TENM3: variants seen among roughly 807,000 people sequenced by gnomAD.
TENM3 encodes teneurin-3.
TENM3 carries 63 observed loss-of-function variants against 255.1 expected under a neutral mutation model. The observed-to-expected ratio is 0.25, with a 90% CI of 0.20 to 0.30. The LOEUF is 0.30. TENM3 is among the 10% of genes least tolerant of loss of function. The probability of loss-of-function intolerance (pLI) is 1.00; values close to 1 mark genes in which losing one functional copy is unlikely to be tolerated. For missense variants in TENM3, 2,929 were observed against 3,461.1 expected, an observed-to-expected ratio of 0.85 and a Z score of 3.86; for synonymous variants, 1,306 against 1,322.3, an observed-to-expected ratio of 0.99 and a Z score of 0.27.
At chr4:181,809,435 C>T in the TENM3 span, among the ~76,000 whole-genome samples, 1 of 152,068 alleles carries the variant, frequency 6.6e-6, no homozygotes, top group Non-Finnish European at 1.5e-5. Flanking sequence ...ATCCACGGTT[C>T]GGGTGTTTGT....
chr4:181,771,627 C>T, the TENM3 span, among the ~76,000 whole-genome samples: 1 of 152,252 alleles, frequency 6.6e-6, no homozygotes, highest in Admixed American at 6.5e-5. Context: ...TAGGAACCAA[C>T]TCGTCTCTGT....
chr4:182,753,433 G>T lies in TENM3; in HGVS notation c.3863-17G>T, dbSNP rs187475769. 1.0e-5 allele frequency: 16 copies of T among 1,605,106 alleles called. No individual in the cohort carries two copies. In the Admixed American group the frequency reaches 2.0e-4, roughly 20 times the overall value. On this transcript the variant is annotated splice_polypyrimidine_tract_variant and intron_variant, in intron 20 of 27. Transcript: ENST00000511685. Reference sequence around the variant, plus strand: ...CATTTTTGAAAAATTAGTAATACTTGCTTCTCTCAAATACAGGAATGGCAG... The same window carrying T: ...CATTTTTGAAAAATTAGTAATACTTTCTTCTCTCAAATACAGGAATGGCAG...
chr4:181,900,553 A>T, the TENM3 span, among the ~76,000 whole-genome samples: 1 of 152,138 alleles, frequency 6.6e-6, no homozygotes, highest in African/African-American at 2.4e-5. Flanking sequence ...ATACCTAGAG[A>T]TTTAGAATTT....
At chr4:182,557,023 G>A (rs988524486) in intron 3 of TENM3, among the ~76,000 whole-genome samples, 2 of 152,138 alleles carry the variant, frequency 1.3e-5, no homozygotes, top group Admixed American at 6.5e-5. Flanking sequence ...CTGAAAACCA[G>A]TTGCTAAATA....
At chr4:182,303,123 A>G (rs1761942114) in intron 1 of TENM3, among the ~76,000 whole-genome samples, 1 of 152,040 alleles carries the variant, frequency 6.6e-6, no homozygotes. Flanking sequence ...AATTTCACTC[A>G]TGAAACCTGT....
the TENM3 span, among the ~76,000 whole-genome samples, chr4:181,922,603 T>C: frequency 6.6e-6 from 1 of 152,158 alleles, no homozygotes; most frequent in Non-Finnish European, 1.5e-5. Flanking sequence ...TTTTTTATTG[T>C]ATCTGTTTGA....
chr4:182,215,276 A>G (rs751642178), intron 1 of TENM3, among the ~76,000 whole-genome samples: 1 of 152,184 alleles, frequency 6.6e-6, no homozygotes, highest in Non-Finnish European at 1.5e-5. Context: ...GACTGATTCA[A>G]TCTTTATTAA....
chr4:181,467,749 A>C, the TENM3 span, among the ~76,000 whole-genome samples: 106,642 of 151,856 alleles, frequency 0.7, 37,790 homozygotes, highest in Non-Finnish European at 0.74. Flanking sequence ...GCTGAGGACT[A>C]ATTAGCATTG....
the TENM3 span, among the ~76,000 whole-genome samples, chr4:181,470,692 T>G: frequency 8.5e-4 from 129 of 152,264 alleles, no homozygotes; most frequent in African/African-American, 2.8e-3. Flanking sequence ...ATGTGAACAT[T>G]AATCAACCCT....
intron 4 of TENM3, among the ~76,000 whole-genome samples, chr4:182,616,744 A>G (rs1749579757): frequency 1.3e-5 from 2 of 152,096 alleles, no homozygotes; most frequent in South Asian, 4.1e-4. Flanking sequence ...ATGGAGAATT[A>G]TTTCCAAATA....
chr4:182,129,216 AGATT>A, the TENM3 span, among the ~76,000 whole-genome samples: 9 of 152,380 alleles, frequency 5.9e-5, no homozygotes, highest in East Asian at 3.9e-4. Flanking sequence ...AGCAGTAGAT[AGATT>A]GTGTTAAGTA....
the TENM3 span, among the ~76,000 whole-genome samples, chr4:181,840,930 A>G: frequency 6.6e-6 from 1 of 152,112 alleles, no homozygotes; most frequent in Non-Finnish European, 1.5e-5. Flanking sequence ...CACTGACTAT[A>G]TTTGAAAGAG....
the TENM3 span, among the ~76,000 whole-genome samples, chr4:181,545,602 G>A: frequency 1.3e-5 from 2 of 152,140 alleles, no homozygotes; most frequent in African/African-American, 4.8e-5. Flanking sequence ...AGAGGAAATT[G>A]AAGTGTATTA....
rs79864346 is a variant in TENM3, at chr4:182,367,885, T to C, written c.511+20956T>C. ...AGTTCAGGATCAAAAGATGGAAGGA[T>C]GGAAAAGTTATTTTTCCATCTTTCA... On this transcript the variant is annotated intron_variant, in intron 3 of 27. Transcript: ENST00000511685. Among the ~76,000 whole-genome samples, 1,185 of 152,246 alleles carry C rather than the reference T, an allele frequency of 7.8e-3. 10 individuals are homozygous for C. Among genetic ancestry groups the C allele is most frequent in the African/African-American group, 0.027 (1,140 of 41,536 alleles).
At chr4:182,235,026 G>A (rs1033759892) in intron 1 of TENM3, among the ~76,000 whole-genome samples, 7 of 151,962 alleles carry the variant, frequency 4.6e-5, no homozygotes, top group African/African-American at 1.7e-4. Context: ...GTCAGTCAGG[G>A]CACACACATA....
Position 182,601,076 on chromosome 4 carries a change from T to C in TENM3, c.664T>C (p.Leu222=), listed in dbSNP as rs1747801030. The change falls in exon 4 of 28, where the codon TTG becomes CTG. Residue 222 remains leucine (L), a synonymous_variant. Transcript: ENST00000511685. ...CCAGAGTCCGGCCCCGCCGGCTGCTTTGCCCGCCGAGCTGCAAACCACACC... is the reference window on the plus strand; with the variant it reads ...CCAGAGTCCGGCCCCGCCGGCTGCTCTGCCCGCCGAGCTGCAAACCACACC... ...RNQSPAPPAA[L]PAELQTTPES... is the part of the protein sequence containing the mutation. The C allele has an allele frequency of 6.2e-7, 1 of 1,613,712 alleles. No individual in the cohort carries two copies. The highest frequency in any genetic ancestry group is 8.5e-7 in the Non-Finnish European group (1 of 1,179,864).
chr4:181,664,544 A>G, the TENM3 span, among the ~76,000 whole-genome samples: 1,093 of 152,276 alleles, frequency 7.2e-3, 11 homozygotes, highest in African/African-American at 0.025. Flanking sequence ...ATGAACTGGT[A>G]CATGAAAAGT....
chr4:182,097,592 A>T, the TENM3 span, among the ~76,000 whole-genome samples: 1 of 152,186 alleles, frequency 6.6e-6, no homozygotes, highest in African/African-American at 2.4e-5. Context: ...TGTATTAAGC[A>T]GCTAATACCA....
chr4:182,129,999 T>C, the TENM3 span, among the ~76,000 whole-genome samples: 5 of 152,174 alleles, frequency 3.3e-5, no homozygotes, highest in South Asian at 8.3e-4. Context: ...GTTTCTAATG[T>C]AGTCATAAAA....
Sources: allele counts gnomAD v4.1 joint callset (sites outside exome capture counted in the v4.1 genomes callset), GRCh38; gene constraint gnomAD v4.1.1; transcripts MANE v1.5; gene names NCBI Gene and HGNC (gene_info 2026-07-23, HGNC 2026-07-21).